The following PPP6R2 variants were observed in gnomAD, a reference collection of about 807,000 sequenced individuals.
PPP6R2 encodes the protein serine/threonine-protein phosphatase 6 regulatory subunit 2.
PPP6R2 carries 62 observed loss-of-function variants against 100.2 expected under a neutral mutation model. That is an observed-to-expected ratio of 0.62 (90% CI 0.50 to 0.76). The LOEUF (loss-of-function observed/expected upper bound fraction) is 0.76. Among genes scored for constraint, PPP6R2 ranks in the 30% least tolerant of loss-of-function variants. PPP6R2 has a pLI of 0.00. For synonymous variants in PPP6R2, 525 were observed against 514.7 expected (o/e 1.02, Z -0.27); for missense variants, 1,142 against 1,276.3 (o/e 0.89, Z 1.60).
intron 2 of PPP6R2, among the ~76,000 whole-genome samples, chr22:50,382,185 C>T (rs2053214945): frequency 6.6e-6 from 1 of 152,106 alleles, no homozygotes; most frequent in East Asian, 1.9e-4. Context: ...AAGAAACAAT[C>T]TATTATTCGT....
chr22:50,431,181 C>T lies in PPP6R2; in HGVS notation c.1134C>T (p.Phe378=), dbSNP rs777081488. The part of the protein sequence containing the change: ...LNTMDLLLDL[F]FKYTWNNFLH... The stretch of plus-strand genomic sequence containing the variant: ...GTCCTCTGTTTACCCAGGACTTGTT[C>T]TTTAAGTACACCTGGAATAACTTTT... Residue 378 remains phenylalanine (F), a synonymous_variant, in exon 11 of 24, where the codon TTC becomes TTT. Transcript: ENST00000612753. This position sits in a 1 kb window ranked among gnomAD's most constrained non-coding sequence, Gnocchi z 4.8. 27 of 1,611,114 alleles carry T rather than the reference C, an allele frequency of 1.7e-5. No individual in the cohort carries two copies. The East Asian group carries it at 6.0e-4, about 36-fold the overall frequency.
upstream of PPP6R2, among the ~76,000 whole-genome samples, chr22:50,338,406 T>G (rs1032080106): frequency 2.2e-5 from 3 of 138,786 alleles, no homozygotes; most frequent in Non-Finnish European, 4.5e-5. Flanking sequence ...GTGGTGTGTG[T>G]GGTATGTGTG....
intron 1 of PPP6R2, among the ~76,000 whole-genome samples, chr22:50,367,554 A>G (rs1381635333): frequency 6.6e-6 from 1 of 152,130 alleles, no homozygotes. Flanking sequence ...CTATGCTGTC[A>G]CAGTTGCCAT....
chr22:50,409,305 C>T lies in PPP6R2; in HGVS notation c.414+2430C>T, dbSNP rs146830845. Reference sequence around the variant, plus strand: ...AATGAGAGAAAATATTTCATGAACCCCCATGTCTCTGTCACTCAGATTCCA... The same window carrying T: ...AATGAGAGAAAATATTTCATGAACCTCCATGTCTCTGTCACTCAGATTCCA... On this transcript the variant is annotated intron_variant, in intron 4 of 23. Transcript: ENST00000612753. 4.7e-4 allele frequency among the ~76,000 whole-genome samples: 71 copies of T among 152,288 alleles called. No homozygotes were observed. In the East Asian group the frequency reaches 9.8e-3, roughly 21 times the overall value.
intron 1 of PPP6R2, among the ~76,000 whole-genome samples, chr22:50,355,993 C>T (rs1420426126): frequency 1.4e-4 from 21 of 145,488 alleles, no homozygotes; most frequent in Non-Finnish European, 2.1e-4. Context: ...GACGGAGTCT[C>T]GCTCTGTCAC....
At chr22:50,359,463 C>T (rs1380668173) in intron 1 of PPP6R2, among the ~76,000 whole-genome samples, 1 of 152,068 alleles carries the variant, frequency 6.6e-6, no homozygotes, top group Non-Finnish European at 1.5e-5. Flanking sequence ...GTGATCTGCC[C>T]GCCTCGGCCT....
At chr22:50,335,952 A>C in the PPP6R2 span, among the ~76,000 whole-genome samples, 1 of 149,684 alleles carries the variant, frequency 6.7e-6, no homozygotes, top group East Asian at 2.0e-4. Flanking sequence ...CTGAGATTAC[A>C]GGCGTGAGCC....
At chr22:50,396,222 T>A (rs113326239) in intron 3 of PPP6R2, among the ~76,000 whole-genome samples, 60 of 84,772 alleles carry the variant, frequency 7.1e-4, no homozygotes, top group Middle Eastern at 0.026. Context: ...AAAAGCCGGG[T>A]GTGGTGGCTC....
chr22:50,394,964 T>TC (rs2056469170), intron 3 of PPP6R2, among the ~76,000 whole-genome samples: 1 of 151,822 alleles, frequency 6.6e-6, no homozygotes, highest in Non-Finnish European at 1.5e-5. Context: ...CGGCATTTTT[T>TC]CATTCTAAGT....
At position 50,439,219 on chromosome 22, in the gene PPP6R2, G is replaced by C. The variant is rs368625127; in HGVS notation, c.2128+457G>C. ...GCAGCACTGAGGCACTCAGGACTTTGGTGGCGGGGGCAGAGATCTCTGTTA... is the reference window on the plus strand; with the variant it reads ...GCAGCACTGAGGCACTCAGGACTTTCGTGGCGGGGGCAGAGATCTCTGTTA... On this transcript the variant is annotated intron_variant, in intron 19 of 23. Transcript: ENST00000612753. Among the ~76,000 whole-genome samples the C allele has an allele frequency of 1.7e-4, 26 of 152,332 alleles. No homozygotes were observed. The East Asian group carries it at 2.1e-3, about 12-fold the overall frequency.
intron 1 of PPP6R2, among the ~76,000 whole-genome samples, chr22:50,358,650 C>A (rs2047104837): frequency 6.6e-6 from 1 of 152,122 alleles, no homozygotes. Context: ...CATTGGGATT[C>A]TTTCCTTCCA....
intron 4 of PPP6R2, among the ~76,000 whole-genome samples, chr22:50,412,042 C>CA (rs1432226866): frequency 6.6e-6 from 1 of 151,458 alleles, no homozygotes; most frequent in African/African-American, 2.4e-5. Context: ...GACTGCATCT[C>CA]AAAAAAACAA....
Position 50,423,600 on chromosome 22 carries a change from A to G in PPP6R2, c.1111A>G (p.Met371Val). The G allele has an allele frequency of 6.2e-7, 1 of 1,614,104 alleles. No homozygotes were observed. The stretch of plus-strand genomic sequence containing the variant: ...CCAGGAGCTCTGCCGGCTCAACACG[A>G]TGGACTTACTGCTGGTAAGTGGGCC... The part of the protein sequence containing the change: ...INQELCRLNT[M>V]DLLLDLFFKY... Residue 371 changes from methionine to valine, a missense_variant, in exon 10 of 24, where the codon ATG becomes GTG. This residue lies in a region of PPP6R2 where 592 missense variants were observed against 758.9 expected (regional missense o/e 0.78). Coordinates refer to ENST00000612753, the MANE Select transcript of PPP6R2 (RefSeq NM_001242898.2). This position sits in a 1 kb window ranked among gnomAD's most constrained non-coding sequence, Gnocchi z 4.8.
chr22:50,404,669 T>C (rs2058572241), intron 3 of PPP6R2, among the ~76,000 whole-genome samples: 1 of 130,224 alleles, frequency 7.7e-6, no homozygotes, highest in Admixed American at 8.3e-5. Context: ...ACTCCTGAGC[T>C]CAAGAGTGAT....
At chr22:50,438,109 TG>T in intron 17 of PPP6R2, 64 bp from the exon 18 acceptor site, 2 of 1,564,588 alleles carry the variant, frequency 1.3e-6, no homozygotes, top group Non-Finnish European at 1.7e-6. Flanking sequence ...GGGAGCTCTA[TG>T]GGGAGAGCGG....
intron 10 of PPP6R2, among the ~76,000 whole-genome samples, chr22:50,430,134 C>T (rs900205474): frequency 6.6e-6 from 1 of 152,248 alleles, no homozygotes; most frequent in East Asian, 1.9e-4. Flanking sequence ...ACCTATGTCC[C>T]CCTCTCTGTC....
chr22:50,403,183 G>A (rs1032219863), intron 3 of PPP6R2, among the ~76,000 whole-genome samples: 4 of 152,118 alleles, frequency 2.6e-5, no homozygotes, highest in Non-Finnish European at 5.9e-5. Context: ...CTCCAGCCTG[G>A]GCAACAGAGC....
At chr22:50,341,791 A>C (rs989056106), upstream of PPP6R2, among the ~76,000 whole-genome samples, 1 of 151,990 alleles carries the variant, frequency 6.6e-6, no homozygotes, top group Non-Finnish European at 1.5e-5. Context: ...TCAGGAGATC[A>C]AGACCATCCT....
chr22:50,393,323 G>A, intron 2 of PPP6R2: 1 of 917,806 alleles, frequency 1.1e-6, no homozygotes, highest in African/African-American at 1.8e-5. Flanking sequence ...AGGCAGAGGA[G>A]TGAGCGCAGG....
Sources: allele counts gnomAD v4.1 joint callset (sites outside exome capture counted in the v4.1 genomes callset), GRCh38; gene constraint gnomAD v4.1.1; regional missense constraint gnomAD v4.1.1; non-coding constraint Gnocchi (gnomAD v3.1); transcripts MANE v1.5; gene names NCBI Gene and HGNC (gene_info 2026-07-23, HGNC 2026-07-21).